RPH3A: variants seen among roughly 807,000 people sequenced by gnomAD.
RPH3A encodes the protein rabphilin 3A, also known as rabphilin-3A.
Under a neutral mutation model 102.2 loss-of-function variants are expected in RPH3A, and 48 were observed. The ratio of observed to expected loss-of-function variants is 0.47; its 90% CI spans 0.37 to 0.60. RPH3A has a LOEUF of 0.60. Ranked by LOEUF, RPH3A falls within the 20% of genes least tolerant of loss-of-function variation. RPH3A has a pLI of 0.00. For synonymous variants in RPH3A, 310 were observed against 324.3 expected, an observed-to-expected ratio of 0.96 and a Z score of 0.47; for missense variants, 781 against 910.1, an observed-to-expected ratio of 0.86 and a Z score of 1.83.
upstream of RPH3A, among the ~76,000 whole-genome samples, chr12:112,787,366 C>G (rs906581718): frequency 6.6e-6 from 1 of 152,158 alleles, no homozygotes; most frequent in African/African-American, 2.4e-5. Flanking sequence ...CACAGAGGAC[C>G]TTGAGATAAA....
intron 2 of RPH3A, among the ~76,000 whole-genome samples, chr12:112,813,127 A>G (rs1467598906): frequency 6.6e-6 from 1 of 152,272 alleles, no homozygotes; most frequent in Non-Finnish European, 1.5e-5. Context: ...CCATCTTAAC[A>G]TCACACAACT....
intron 1 of RPH3A, among the ~76,000 whole-genome samples, chr12:112,723,504 C>G (rs763193502): frequency 1.4e-4 from 22 of 152,186 alleles, no homozygotes; most frequent in Non-Finnish European, 2.9e-4. Flanking sequence ...AGATACATAT[C>G]CTGCAACTCG....
At chr12:112,765,246 T>TGTGTG in intron 1 of RPH3A, among the ~76,000 whole-genome samples, 1 of 141,760 alleles carries the variant, frequency 7.1e-6, no homozygotes, top group Non-Finnish European at 1.5e-5. Context: ...GTCATGGTGA[T>TGTGTG]TGTGTGTGTG....
chr12:112,881,937 T>A, intron 15 of RPH3A, 91 bp downstream of exon 15: 2 of 973,894 alleles, frequency 2.1e-6, no homozygotes, highest in South Asian at 3.3e-5. Flanking sequence ...AATAGCCTTA[T>A]CTGCCCCAAA....
intron 1 of RPH3A, among the ~76,000 whole-genome samples, chr12:112,749,587 C>A (rs1287583157): frequency 6.6e-6 from 1 of 152,194 alleles, no homozygotes; most frequent in Non-Finnish European, 1.5e-5. Flanking sequence ...GATACTGACA[C>A]ATCTTTTCCT....
At chr12:112,807,578 C>T (rs1486833077) in intron 2 of RPH3A, among the ~76,000 whole-genome samples, 1 of 152,174 alleles carries the variant, frequency 6.6e-6, no homozygotes, top group East Asian at 1.9e-4. Context: ...ATGAAGATAA[C>T]AATAACAACT....
intron 20 of RPH3A, 80 bp from the exon 21 acceptor site, chr12:112,895,697 C>A (rs2043168491): frequency 2.1e-6 from 2 of 953,640 alleles, no homozygotes; most frequent in Non-Finnish European, 3.4e-6. Flanking sequence ...GGCCCATAAC[C>A]CCTAGGACTC....
intron 15 of RPH3A, among the ~76,000 whole-genome samples, chr12:112,882,561 T>C (rs1321387116): frequency 6.6e-6 from 1 of 152,222 alleles, no homozygotes; most frequent in African/African-American, 2.4e-5. Context: ...TGTACGCACC[T>C]GTACACACCG....
intron 7 of RPH3A, among the ~76,000 whole-genome samples, chr12:112,867,327 A>C (rs1308396910): frequency 6.6e-6 from 1 of 151,538 alleles, no homozygotes; most frequent in Non-Finnish European, 1.5e-5. Flanking sequence ...TCTCTTCCCC[A>C]GTCCTGCTTC....
intron 1 of RPH3A, among the ~76,000 whole-genome samples, chr12:112,771,087 C>A (rs1351693536): frequency 6.6e-6 from 1 of 152,226 alleles, no homozygotes; most frequent in Non-Finnish European, 1.5e-5. Flanking sequence ...CCTTCCCCCA[C>A]ATCTGTTCCC....
intron 2 of RPH3A, among the ~76,000 whole-genome samples, chr12:112,820,494 C>G (rs1226191200): frequency 6.6e-6 from 1 of 152,170 alleles, no homozygotes; most frequent in Non-Finnish European, 1.5e-5. Flanking sequence ...ACTTAGTCTT[C>G]TAAGCCTCGG....
At chr12:112,767,766 G>A (rs1221573057) in intron 1 of RPH3A, among the ~76,000 whole-genome samples, 6 of 152,028 alleles carry the variant, frequency 3.9e-5, no homozygotes, top group Non-Finnish European at 8.8e-5. Context: ...AGAAGATGGG[G>A]CATATTATTC....
At chr12:112,593,128 A>G (rs1220613659) in intron 1 of RPH3A, among the ~76,000 whole-genome samples, 5 of 152,180 alleles carry the variant, frequency 3.3e-5, no homozygotes, top group Non-Finnish European at 7.3e-5. Flanking sequence ...CCCTAATAAG[A>G]AGAGACACCA....
At chr12:112,779,574 C>T (rs2040992777) in intron 1 of RPH3A, among the ~76,000 whole-genome samples, 1 of 152,128 alleles carries the variant, frequency 6.6e-6, no homozygotes, top group Non-Finnish European at 1.5e-5. Context: ...ATAATATGAT[C>T]ATCACCCCCT....
intron 14 of RPH3A, among the ~76,000 whole-genome samples, chr12:112,881,208 A>T (rs964334340): frequency 2.0e-5 from 3 of 152,202 alleles, no homozygotes; most frequent in Non-Finnish European, 4.4e-5. Context: ...TTAACAAATC[A>T]ACTTAATTCC....
In RPH3A at chr12:112,752,725, A is replaced by C. The variant is rs1444061056; in HGVS notation, c.-139-39418A>C. On this transcript the variant is annotated intron_variant, in intron 1 of 21. Coordinates refer to the RPH3A transcript ENST00000543106. Reference sequence around the variant, plus strand: ...TAACATATAATTCATATAAGTAAAAAATACACAGGTCACCAAGTGCAGAAT... The same window carrying C: ...TAACATATAATTCATATAAGTAAAACATACACAGGTCACCAAGTGCAGAAT... 3.9e-5 allele frequency among the ~76,000 whole-genome samples: 6 copies of C among 152,176 alleles called. No individual in the cohort carries two copies. The South Asian group carries it at 8.3e-4, about 21-fold the overall frequency.
chr12:112,818,507 CA>C (rs2041720099), intron 2 of RPH3A, among the ~76,000 whole-genome samples: 1 of 152,032 alleles, frequency 6.6e-6, no homozygotes, highest in African/African-American at 2.4e-5. Context: ...TGATCAATAG[CA>C]GCTATAGAAT....
intron 1 of RPH3A, among the ~76,000 whole-genome samples, chr12:112,774,933 G>C (rs1288165959): frequency 6.6e-6 from 1 of 152,024 alleles, no homozygotes; most frequent in Non-Finnish European, 1.5e-5. Flanking sequence ...TAACAAACCT[G>C]CCCAGCCTAC....
chr12:112,818,257 C>T (rs925210957), intron 2 of RPH3A, among the ~76,000 whole-genome samples: 1 of 149,722 alleles, frequency 6.7e-6, no homozygotes, highest in African/African-American at 2.5e-5. Flanking sequence ...CGAGATCGCG[C>T]CACTGCACTC....
Sources: gnomAD v4.1 joint callset for allele counts (sites outside exome capture counted in the v4.1 genomes callset) on GRCh38, gnomAD v4.1.1 for gene constraint, MANE v1.5 for transcripts, NCBI Gene and HGNC (gene_info 2026-07-23, HGNC 2026-07-21) for gene names.